The following TBC1D10A variants were observed in gnomAD, a reference collection of about 807,000 sequenced individuals.
The protein encoded by TBC1D10A is EBP50-PDX interactor of 64 kDa.
TBC1D10A carries 24 observed loss-of-function variants against 52.9 expected under a neutral mutation model. The observed-to-expected ratio is 0.45, with a 90% CI of 0.33 to 0.64. The LOEUF is 0.64. TBC1D10A is among the 30% of genes least tolerant of loss of function. The pLI is 0.02. For synonymous variants in TBC1D10A, 278 were observed against 282.9 expected (o/e 0.98, Z 0.17); for missense variants, 602 against 687.9 (o/e 0.88, Z 1.40).
rs370747585 is a variant in TBC1D10A at position 30,326,661 on chromosome 22, G to A, written c.209+12C>T. 6.4e-6 allele frequency: 10 copies of A among 1,554,294 alleles called. No individual in the cohort carries two copies. Among genetic ancestry groups the A allele is most frequent in the Middle Eastern group, 1.7e-4 (1 of 5,922 alleles). ...GGTGGCGCGCTCAGTCCCGACCCCC[G>A]GCGCTACTCACGCGCCCTCGGCGCC... On this transcript the variant is annotated intron_variant, in intron 1 of 8. Coordinates refer to ENST00000215790, the MANE Select transcript of TBC1D10A (RefSeq NM_031937.3).
At chr22:30,323,267 C>A (rs1314405234) in intron 1 of TBC1D10A, among the ~76,000 whole-genome samples, 1 of 152,198 alleles carries the variant, frequency 6.6e-6, no homozygotes, top group Non-Finnish European at 1.5e-5. Context: ...CCACCGCAGG[C>A]CTGAGGAGAA....
rs369533502 is a variant in TBC1D10A at position 30,323,023 on chromosome 22, C to T, written c.209+3650G>A. The stretch of plus-strand genomic sequence containing the variant: ...TCAAGAGATCCTCCCACCTCTCAGC[C>T]TCCCAAGTAGCTGGGATTACAGGTG... On this transcript the variant is annotated intron_variant, in intron 1 of 8. Transcript: ENST00000215790. Among the ~76,000 whole-genome samples the T allele has an allele frequency of 5.3e-5, 8 of 151,860 alleles. No individual in the cohort carries two copies. In the East Asian group the frequency reaches 1.5e-3, roughly 29 times the overall value.
chr22:30,301,438 A>G (rs1930200499), intron 2 of TBC1D10A, among the ~76,000 whole-genome samples: 1 of 152,182 alleles, frequency 6.6e-6, no homozygotes. Context: ...CAACTGTAAG[A>G]TCTGAATAAT....
Position 30,295,003 on chromosome 22 carries a change from C to T in TBC1D10A, c.577G>A (p.Glu193Lys). The T allele has an allele frequency of 1.2e-6, 2 of 1,614,064 alleles. No homozygotes were observed. Among genetic ancestry groups the T allele is most frequent in the South Asian group, 2.2e-5 (2 of 91,090 alleles). ...LKAYTLYRPE[E>K]GYCQAQAPIA... ...GGCGCCTGGGCCTGGCAGTAGCCCT[C>T]CTCGGGCCGGTACAGCGTGTAGGCC... The change falls in exon 5 of 9, where the codon GAG (glutamate) becomes AAG (lysine). Residue 193 changes from glutamate to lysine, a missense_variant. Transcript: ENST00000215790.
intron 2 of TBC1D10A, chr22:30,300,522 G>GCATT (rs1930181840): frequency 6.6e-6 from 1 of 152,162 alleles, no homozygotes; most frequent in Admixed American, 6.5e-5. Flanking sequence ...ACCAGGGAGG[G>GCATT]CATTGCACTG....
intron 1 of TBC1D10A, 143 bp downstream of exon 1, chr22:30,326,529 TG>T (rs1930778361): frequency 2.0e-6 from 1 of 501,194 alleles, no homozygotes; most frequent in Non-Finnish European, 2.6e-6. Flanking sequence ...GCAGGGGTGG[TG>T]GGGGTGGGGC....
At chr22:30,313,422 C>T (rs1044492430) in intron 1 of TBC1D10A, among the ~76,000 whole-genome samples, 8 of 151,312 alleles carry the variant, frequency 5.3e-5, no homozygotes, top group African/African-American at 2.0e-4. Context: ...CTTGCTCTGT[C>T]GCCCAGGCTG....
chr22:30,321,815 G>T (rs1202471765), intron 1 of TBC1D10A, among the ~76,000 whole-genome samples: 1 of 152,094 alleles, frequency 6.6e-6, no homozygotes, highest in African/African-American at 2.4e-5. Context: ...CAGGAGACCT[G>T]GTATAAAACT....
intron 1 of TBC1D10A, among the ~76,000 whole-genome samples, chr22:30,306,661 A>C (rs544858701): frequency 6.6e-6 from 1 of 152,372 alleles, no homozygotes. Flanking sequence ...ATGTCAATTG[A>C]AAGATCTGTT....
In TBC1D10A at chr22:30,294,823, G is replaced by A. The variant is rs993696066; in HGVS notation, c.678C>T (p.Tyr226=). The change falls in exon 6 of 9, where the codon TAC becomes TAT. Residue 226 remains tyrosine, a synonymous_variant. Coordinates refer to ENST00000215790, the MANE Select transcript of TBC1D10A (RefSeq NM_031937.3). ...FWCLVQICEK[Y]LPGYYSEKLE... ...GTTTCTCGCTGTAGTAGCCGGGCAG[G>A]TACTTCTCACAGATCTGTACCAGGC... 4.3e-6 allele frequency: 7 copies of A among 1,614,050 alleles called. No homozygotes were observed. In the African/African-American group the frequency reaches 8.0e-5, roughly 18 times the overall value.
chr22:30,294,132 G>T (rs772970949), intron 6 of TBC1D10A, 22 bp from the exon 7 acceptor site: 1 of 1,610,004 alleles, frequency 6.2e-7, no homozygotes, highest in South Asian at 1.1e-5. Flanking sequence ...TCGAGGCCAC[G>T]GGACCATGAC....
chr22:30,293,398 C>CG (rs1929994942), intron 8 of TBC1D10A: 1 of 710,270 alleles, frequency 1.4e-6, no homozygotes, highest in Admixed American at 2.0e-5. Flanking sequence ...GGGAGGAAGA[C>CG]GGGGCCGTGG....
chr22:30,308,336 C>CTGCA (rs1349861545), intron 1 of TBC1D10A, among the ~76,000 whole-genome samples: 11 of 151,266 alleles, frequency 7.3e-5, no homozygotes, highest in African/African-American at 1.2e-4. Flanking sequence ...GCCTGCATGC[C>CTGCA]TGCCTGCCTG....
intron 1 of TBC1D10A, 134 bp from the exon 2 acceptor site, chr22:30,304,764 C>T (rs903939813): frequency 2.1e-6 from 3 of 1,430,150 alleles, no homozygotes; most frequent in African/African-American, 2.9e-5. Context: ...AGGACTGCTA[C>T]CTCGGACCAT....
chr22:30,309,178 C>T (rs977459907), intron 1 of TBC1D10A, among the ~76,000 whole-genome samples: 3 of 152,174 alleles, frequency 2.0e-5, no homozygotes, highest in Non-Finnish European at 4.4e-5. Context: ...GACACCAATA[C>T]ACTGGATGGG....
chr22:30,300,110 T>C (rs4823088), intron 2 of TBC1D10A, among the ~76,000 whole-genome samples: 147,550 of 152,218 alleles, frequency 0.97, 71,534 homozygotes, highest in East Asian at 1. Context: ...TTCCTGAGGT[T>C]TGCCATGGAA....
chr22:30,309,822 C>T (rs1300617636), intron 1 of TBC1D10A, among the ~76,000 whole-genome samples: 2 of 152,310 alleles, frequency 1.3e-5, no homozygotes, highest in East Asian at 3.9e-4. Flanking sequence ...TTCCCTTGTC[C>T]TTCTAGACAT....
intron 1 of TBC1D10A, among the ~76,000 whole-genome samples, chr22:30,326,149 A>C (rs1183570531): frequency 1.4e-4 from 4 of 28,336 alleles, no homozygotes; most frequent in East Asian, 1.6e-3. Flanking sequence ...TGTCCTGGGA[A>C]GGGGTGGGGG....
intron 1 of TBC1D10A, among the ~76,000 whole-genome samples, chr22:30,323,159 C>G (rs1326450683): frequency 6.6e-6 from 1 of 152,208 alleles, no homozygotes; most frequent in Non-Finnish European, 1.5e-5. Context: ...CCTGCCTCAG[C>G]CTCCCAAAGT....
Sources: gnomAD v4.1 joint callset for allele counts (sites outside exome capture counted in the v4.1 genomes callset) on GRCh38, gnomAD v4.1.1 for gene constraint, MANE v1.5 for transcripts, NCBI Gene and HGNC (gene_info 2026-07-23, HGNC 2026-07-21) for gene names.